ZMYM4: variants seen among roughly 807,000 people sequenced by gnomAD.
The protein encoded by ZMYM4 is zinc finger MYM-type protein 4.
ZMYM4 carries 31 observed loss-of-function variants against 183.2 expected under a neutral mutation model. The observed-to-expected ratio is 0.17, with a 90% CI of 0.13 to 0.23. The LOEUF is 0.23. Among genes scored for constraint, ZMYM4 ranks in the 10% least tolerant of loss-of-function variants. The pLI is 1.00. For missense variants in ZMYM4, 1,273 were observed against 1,840.3 expected, an observed-to-expected ratio of 0.69 and a Z score of 5.64; for synonymous variants, 592 against 631.2, an observed-to-expected ratio of 0.94 and a Z score of 0.93.
chr1:35,303,606 A>G (rs560773611), intron 1 of ZMYM4, among the ~76,000 whole-genome samples: 15 of 152,220 alleles, frequency 9.9e-5, no homozygotes, highest in African/African-American at 3.4e-4. Flanking sequence ...GGGCTTTGCC[A>G]TGTTGGCCAG....
At position 35,323,551 on chromosome 1, in the gene ZMYM4, GT is replaced by G. The variant is rs954159076; in HGVS notation, c.40-1799del. 6.4e-4 allele frequency among the ~76,000 whole-genome samples: 93 copies of G among 146,288 alleles called. 1 individual carries two copies. Among genetic ancestry groups the G allele is most frequent in the African/African-American group, 2.1e-3 (82 of 39,944 alleles). ...GTTTTTTGTTTTTTGTTTTTTTGGT[GT>G]TTTTTTTTTGAGACAGAGTCTCGCT... On this transcript the variant is annotated intron_variant, in intron 1 of 29. Transcript: ENST00000314607.
chr1:35,348,637 C>T (rs939199731), intron 2 of ZMYM4, among the ~76,000 whole-genome samples: 2 of 152,178 alleles, frequency 1.3e-5, no homozygotes, highest in African/African-American at 4.8e-5. Context: ...TAAATGTGCT[C>T]TGATAAGAAT....
intron 19 of ZMYM4, chr1:35,396,922 A>C: frequency 1.8e-6 from 1 of 557,420 alleles, no homozygotes; most frequent in Non-Finnish European, 2.4e-6. Flanking sequence ...CTCAAATAGA[A>C]AAAGATCAGA....
At chr1:35,374,148 C>G (rs1215974854) in intron 7 of ZMYM4, among the ~76,000 whole-genome samples, 1 of 149,708 alleles carries the variant, frequency 6.7e-6, no homozygotes, top group African/African-American at 2.5e-5. Flanking sequence ...TCTCTTGCCT[C>G]AGCCTCCCGA....
intron 1 of ZMYM4, among the ~76,000 whole-genome samples, chr1:35,289,723 A>C (rs537844924): frequency 6.6e-6 from 1 of 152,164 alleles, no homozygotes; most frequent in Non-Finnish European, 1.5e-5. Flanking sequence ...TAAGATGTCA[A>C]TAGCACTGCC....
chr1:35,379,554 T>C (rs999938056), intron 7 of ZMYM4, among the ~76,000 whole-genome samples: 8 of 152,384 alleles, frequency 5.2e-5, no homozygotes, highest in Non-Finnish European at 7.3e-5. Context: ...CGCTTTCTTA[T>C]CATTCCTGTC....
intron 1 of ZMYM4, among the ~76,000 whole-genome samples, chr1:35,304,336 T>C (rs1413682976): frequency 6.6e-6 from 1 of 152,214 alleles, no homozygotes; most frequent in Non-Finnish European, 1.5e-5. Flanking sequence ...ACAGTTTCTT[T>C]AGAAGTATGC....
chr1:35,359,232 A>G lies in ZMYM4; in HGVS notation c.393A>G (p.Gln131=). The change falls in exon 3 of 30, where the codon CAA becomes CAG. Residue 131 remains glutamine (Q), a synonymous_variant. Transcript: ENST00000314607. ...ACAATGAAAATGAAATACAAATTCAAAATAAGTTAAAAAAAGACTTTCCTA... is the reference window on the plus strand; with the variant it reads ...ACAATGAAAATGAAATACAAATTCAGAATAAGTTAAAAAAAGACTTTCCTA... ...ESDNENEIQI[Q]NKLKKDFPKQ... 1.2e-6 allele frequency: 2 copies of G among 1,610,040 alleles called. No homozygotes were observed. The highest frequency in any genetic ancestry group is 1.7e-6 in the Non-Finnish European group (2 of 1,178,414).
Position 35,268,897 on chromosome 1 carries a change from G to C in ZMYM4, c.-150G>C, listed in dbSNP as rs1284086405. The C allele has an allele frequency of 9.3e-6, 8 of 861,466 alleles. No individual in the cohort carries two copies. The highest frequency in any genetic ancestry group is 7.4e-5 in the East Asian group (2 of 27,156). The allele number at this position is 861,466 out of a possible 1,614,324, so 53.4% of individuals were successfully genotyped here. A position where few individuals can be genotyped will look rare whatever the true frequency, so the allele number is the denominator to read the frequency against. ...AGCTGCGGCCCGGCGCGCGGCATCC[G>C]CCCCCTCCCCACTCTCGGCGCAAGG... On this transcript the variant is annotated 5_prime_UTR_variant, in exon 1 of 30. Transcript: ENST00000314607.
chr1:35,368,836 G>T (rs566952735), intron 5 of ZMYM4, among the ~76,000 whole-genome samples: 1 of 152,132 alleles, frequency 6.6e-6, no homozygotes, highest in East Asian at 1.9e-4. Context: ...CATTGGAGCC[G>T]GAGGCAGAAG....
intron 1 of ZMYM4, among the ~76,000 whole-genome samples, chr1:35,319,200 G>A (rs1234691455): frequency 1.3e-5 from 2 of 152,100 alleles, no homozygotes; most frequent in African/African-American, 4.8e-5. Context: ...AGTTTTTAAC[G>A]TTTCAAGTGT....
chr1:35,398,967 G>T lies in ZMYM4; in HGVS notation c.3357G>T (p.Val1119=), dbSNP rs1413742836. 28 of 1,614,112 alleles carry T rather than the reference G, an allele frequency of 1.7e-5. No individual in the cohort carries two copies. The highest frequency in any genetic ancestry group is 2.4e-5 in the Non-Finnish European group (28 of 1,179,998). Residue 1119 remains valine (V), a synonymous_variant, in exon 22 of 30, where the codon GTG becomes GTT. Transcript: ENST00000314607. ...ACTATGCCTTAAAGTCAAATGCTGT[G>T]CAAGAGGCTGATTCAGAATTGAAGC... ...LNHYALKSNA[V]QEADSELKQF... is the part of the protein sequence containing the mutation.
At chr1:35,315,039 A>G (rs1248816008) in intron 1 of ZMYM4, among the ~76,000 whole-genome samples, 1 of 145,292 alleles carries the variant, frequency 6.9e-6, no homozygotes, top group African/African-American at 2.6e-5. Flanking sequence ...ACAAAAAAAC[A>G]AAAACAAAAA....
chr1:35,362,813 C>T (rs562648303), intron 5 of ZMYM4, among the ~76,000 whole-genome samples: 1 of 152,138 alleles, frequency 6.6e-6, no homozygotes, highest in African/African-American at 2.4e-5. Context: ...AGTGAACCTC[C>T]CAGCTCAGCC....
chr1:35,324,312 T>A (rs924555719), intron 1 of ZMYM4, among the ~76,000 whole-genome samples: 1 of 152,102 alleles, frequency 6.6e-6, no homozygotes, highest in African/African-American at 2.4e-5. Context: ...TTGGCCAGGA[T>A]GGTCTTGATC....
chr1:35,333,853 C>T (rs1642861352), intron 2 of ZMYM4, among the ~76,000 whole-genome samples: 1 of 152,052 alleles, frequency 6.6e-6, no homozygotes, highest in Non-Finnish European at 1.5e-5. Context: ...TGGAATAGCT[C>T]TCTATTCTGT....
At chr1:35,300,221 G>C (rs1190496827) in intron 1 of ZMYM4, among the ~76,000 whole-genome samples, 1 of 152,156 alleles carries the variant, frequency 6.6e-6, no homozygotes, top group Admixed American at 6.6e-5. Context: ...TTAGCTCTGG[G>C]AAGTCAGTGT....
chr1:35,280,108 T>TGTTACTTTCTTTTC (rs1640070855), intron 1 of ZMYM4, among the ~76,000 whole-genome samples: 1 of 151,852 alleles, frequency 6.6e-6, no homozygotes. Flanking sequence ...TCTTTCTTTT[T>TGTTACTTTCTTTTC]GTTACTTTCT....
intron 27 of ZMYM4, among the ~76,000 whole-genome samples, chr1:35,414,923 T>C (rs1478578477): frequency 1.3e-5 from 2 of 151,840 alleles, no homozygotes; most frequent in African/African-American, 2.4e-5. Context: ...TGGTGGTGCC[T>C]TGTAGTCCCA....
Sources: allele counts gnomAD v4.1 joint callset (sites outside exome capture counted in the v4.1 genomes callset), GRCh38; gene constraint gnomAD v4.1.1; transcripts MANE v1.5; gene names NCBI Gene and HGNC (gene_info 2026-07-23, HGNC 2026-07-21).